The following ALDH1A3 variants were observed in gnomAD, a reference collection of about 807,000 sequenced individuals.
The protein encoded by ALDH1A3 is retinaldehyde dehydrogenase 3.
In ALDH1A3, 28 loss-of-function variants were observed where a neutral mutation model predicts 57.5. That is an observed-to-expected ratio of 0.49 (90% CI 0.36 to 0.67). The LOEUF (loss-of-function observed/expected upper bound fraction) is 0.67, where lower values mean the gene tolerates loss of function less well. Among genes scored for constraint, ALDH1A3 ranks in the 30% least tolerant of loss-of-function variants. The probability of loss-of-function intolerance (pLI) is 0.00; values close to 1 mark genes in which losing one functional copy is unlikely to be tolerated. For missense variants in ALDH1A3, 507 were observed against 669.4 expected, an observed-to-expected ratio of 0.76 and a Z score of 2.68; for synonymous variants, 281 against 264.8, an observed-to-expected ratio of 1.06 and a Z score of -0.59.
At chr15:100,901,975 C>T (rs575015830) in intron 9 of ALDH1A3, among the ~76,000 whole-genome samples, 28 of 152,336 alleles carry the variant, frequency 1.8e-4, no homozygotes, top group Non-Finnish European at 3.8e-4. Flanking sequence ...CCAGCCTGTG[C>T]CCCAAACCCA....
chr15:100,897,083 G>A (rs907859158), intron 7 of ALDH1A3, among the ~76,000 whole-genome samples: 20 of 152,154 alleles, frequency 1.3e-4, no homozygotes, highest in African/African-American at 3.9e-4. Context: ...AAAAACACCC[G>A]CTGCAATCAG....
Position 100,898,154 on chromosome 15 carries a change from G to T in ALDH1A3, c.852G>T (p.Lys284Asn). 1.2e-6 allele frequency: 2 copies of T among 1,614,192 alleles called. No individual in the cohort carries two copies. Among genetic ancestry groups the T allele is most frequent in the Non-Finnish European group, 1.7e-6 (2 of 1,180,018 alleles). Residue 284 changes from lysine to asparagine, a missense_variant, in exon 8 of 13, where the codon AAG (lysine) becomes AAT (asparagine). Physicochemically the swap from Lys to Asn is moderately conservative, Grantham distance 94. Transcript: ENST00000329841. ...GGGTGACGCTGGAGCTGGGGGGGAA[G>T]AACCCCTGCATCGTGTGTGCGGACG... ...LKRVTLELGG[K>N]NPCIVCADAD...
intron 2 of ALDH1A3, among the ~76,000 whole-genome samples, chr15:100,885,599 A>G (rs1352238853): frequency 6.6e-6 from 1 of 151,662 alleles, no homozygotes; most frequent in African/African-American, 2.4e-5. Flanking sequence ...TTCTCCTACT[A>G]TGAGGATGAC....
chr15:100,894,018 TGGTCCTGAAGCCTGC>T lies in ALDH1A3; in HGVS notation c.605_619del (p.Val202_Ala206del). On this transcript the variant is annotated inframe_deletion, in exon 6 of 13. Coordinates refer to ENST00000329841, the MANE Select transcript of ALDH1A3 (RefSeq NM_000693.4). The surrounding 1 kb of genome is among the most constrained non-coding windows in gnomAD (Gnocchi z 4.5). ...CCCGCCCTCTGCTGTGGGAACACCATGGTCCTGAAGCCTGCGGAGCAGACACCTCTCACCGCCCTT... is the reference window on the plus strand; with the variant it reads ...CCCGCCCTCTGCTGTGGGAACACCATGGAGCAGACACCTCTCACCGCCCTT... 1 of 1,614,214 alleles carries T rather than the reference TGGTCCTGAAGCCTGC, an allele frequency of 6.2e-7. No individual in the cohort carries two copies. The highest frequency in any genetic ancestry group is 8.5e-7 in the Non-Finnish European group (1 of 1,180,042).
At chr15:100,907,386 C>G (rs1208734832) in intron 11 of ALDH1A3, 108 bp downstream of exon 11, 1 of 1,265,508 alleles carries the variant, frequency 7.9e-7, no homozygotes, top group Non-Finnish European at 1.1e-6. Context: ...ATATTATATA[C>G]CAAGCCCTGT....
chr15:100,881,539 C>T (rs2041547999), intron 1 of ALDH1A3: 1 of 152,194 alleles, frequency 6.6e-6, no homozygotes, highest in Admixed American at 6.5e-5. Context: ...TATCAGCAAT[C>T]TGACCACATA....
At chr15:100,907,918 G>A (rs539729957) in intron 11 of ALDH1A3, among the ~76,000 whole-genome samples, 1 of 124,810 alleles carries the variant, frequency 8.0e-6, no homozygotes, top group Admixed American at 1.1e-4. Context: ...GCACACTCTC[G>A]GCTCACTGCA....
chr15:100,897,940 G>A (rs1200874262), intron 7 of ALDH1A3, 143 bp from the exon 8 acceptor site: 19 of 649,430 alleles, frequency 2.9e-5, no homozygotes, highest in Middle Eastern at 2.6e-4. Context: ...GTGAAGGGAC[G>A]GCATCGGGGC....
At position 100,914,931 on chromosome 15, in the gene ALDH1A3, T is replaced by A; in HGVS notation, c.*158T>A. 1.5e-6 allele frequency: 1 copy of A among 671,766 alleles called. No individual in the cohort carries two copies. The highest frequency in any genetic ancestry group is 2.5e-6 in the Non-Finnish European group (1 of 397,990). 41.6% of individuals were successfully genotyped at this position (671,766 alleles called of 1,614,324 possible). ...AATGATTGCTGTTTTCCTCTCACTC[T>A]CCTGTTTATTCACCAGACTGGGGAT... is the stretch of plus-strand genomic sequence containing the variant. On this transcript the variant is annotated 3_prime_UTR_variant, in exon 13 of 13. Transcript: ENST00000329841.
chr15:100,897,525 C>T (rs904467243), intron 7 of ALDH1A3, among the ~76,000 whole-genome samples: 18 of 151,410 alleles, frequency 1.2e-4, no homozygotes, highest in Non-Finnish European at 2.2e-4. Context: ...TGCCTGTCTG[C>T]GGCAGCCTCA....
intron 9 of ALDH1A3, among the ~76,000 whole-genome samples, chr15:100,904,030 G>A (rs1301543791): frequency 6.6e-6 from 1 of 151,952 alleles, no homozygotes; most frequent in Non-Finnish European, 1.5e-5. Flanking sequence ...TTTGGCTTCT[G>A]CATTTTGAGT....
intron 4 of ALDH1A3, 148 bp downstream of exon 4, chr15:100,892,787 A>G (rs2041663308): frequency 2.2e-6 from 3 of 1,354,560 alleles, no homozygotes; most frequent in South Asian, 2.9e-5. Flanking sequence ...TCTTCTAAGA[A>G]CTTCACTTTT....
At position 100,914,980 on chromosome 15, in the gene ALDH1A3, G is replaced by T; in HGVS notation, c.*207G>T. The T allele has an allele frequency of 1.8e-6, 1 of 570,870 alleles. No homozygotes were observed. Among genetic ancestry groups the T allele is most frequent in the South Asian group, 2.1e-5 (1 of 46,682 alleles). 35.4% of individuals were successfully genotyped at this position (570,870 alleles called of 1,614,324 possible). A position where few individuals can be genotyped will look rare whatever the true frequency, so the allele number is the denominator to read the frequency against. On this transcript the variant is annotated 3_prime_UTR_variant, in exon 13 of 13. Transcript: ENST00000329841. ...ATGCCTATAGGTTGTCTGTGAAATCGCAGTCCTGCCTGGGGAGGGAGCTGT... is the reference window on the plus strand; with the variant it reads ...ATGCCTATAGGTTGTCTGTGAAATCTCAGTCCTGCCTGGGGAGGGAGCTGT...
rs1292232023 is a variant in ALDH1A3, at chr15:100,889,193, C to A, written c.345+1481C>A. The A allele has an allele frequency of 3.3e-5, 5 of 152,124 alleles. No individual in the cohort carries two copies. Among genetic ancestry groups the A allele is most frequent in the Admixed American group, 6.5e-5 (1 of 15,276 alleles). 9.4% of individuals were successfully genotyped at this position (152,124 alleles called of 1,614,324 possible). On this transcript the variant is annotated intron_variant, in intron 3 of 12. Coordinates refer to ENST00000329841, the MANE Select transcript of ALDH1A3 (RefSeq NM_000693.4). The surrounding 1 kb of genome is among the most constrained non-coding windows in gnomAD (Gnocchi z 5.1). ...GTAGGGGAGGAGATCTCCTTTCTGG[C>A]CTTTGATTTGGAAAAATGGTTTTTC...
chr15:100,899,645 GA>G (rs1186354714), intron 8 of ALDH1A3, among the ~76,000 whole-genome samples: 1 of 152,212 alleles, frequency 6.6e-6, no homozygotes, highest in Admixed American at 6.5e-5. Flanking sequence ...TATCTCGGAG[GA>G]GGGGCAGTTC....
At chr15:100,911,873 A>G (rs535824558) in intron 12 of ALDH1A3, among the ~76,000 whole-genome samples, 1 of 152,356 alleles carries the variant, frequency 6.6e-6, no homozygotes, top group South Asian at 2.1e-4. Flanking sequence ...TGATTTCATC[A>G]CTTTGTTTGC....
chr15:100,880,270 C>A (rs1252878531), intron 1 of ALDH1A3: 1 of 386,254 alleles, frequency 2.6e-6, no homozygotes, highest in South Asian at 1.3e-4. Flanking sequence ...GCCGGGCCGC[C>A]CGCATCCCTG....
chr15:100,884,983 T>C (rs755775118), intron 1 of ALDH1A3, among the ~76,000 whole-genome samples: 10 of 152,194 alleles, frequency 6.6e-5, no homozygotes, highest in African/African-American at 9.7e-5. Flanking sequence ...GAATCCATGT[T>C]ATTGCTGAAG....
At chr15:100,897,585 G>A (rs1318685120) in intron 7 of ALDH1A3, among the ~76,000 whole-genome samples, 2 of 152,110 alleles carry the variant, frequency 1.3e-5, no homozygotes, top group Admixed American at 1.3e-4. Context: ...CCGGAAGGCT[G>A]GCTGCCCTCG....
Sources: gnomAD v4.1 joint callset for allele counts (sites outside exome capture counted in the v4.1 genomes callset) on GRCh38, gnomAD v4.1.1 for gene constraint, Gnocchi (gnomAD v3.1) non-coding constraint, MANE v1.5 for transcripts, NCBI Gene and HGNC (gene_info 2026-07-23, HGNC 2026-07-21) for gene names.